WDR83: variants seen among roughly 807,000 people sequenced by gnomAD.
WDR83 encodes the protein WD repeat domain-containing protein 83.
A neutral mutation model predicts 37.7 loss-of-function variants in WDR83; 37 were observed. That is an observed-to-expected ratio of 0.98 (90% CI 0.76 to 1.29). The LOEUF is 1.29. Ranked by LOEUF, WDR83 falls within the 50% of genes most tolerant of loss-of-function variation. The pLI is 0.00. For missense variants in WDR83, 445 were observed against 414.4 expected (o/e 1.07, Z -0.64); for synonymous variants, 174 against 181.1 (o/e 0.96, Z 0.31).
At chr19:12,673,356 C>A in intron 10 of WDR83, 40 bp downstream of exon 10, 1 of 1,513,570 alleles carries the variant, frequency 6.6e-7, no homozygotes, top group African/African-American at 1.4e-5. Flanking sequence ...TAGATGCCTG[C>A]CCCATCTCAG....
In WDR83 at chr19:12,675,036, C is replaced by G. The variant is rs1355501486; in HGVS notation, c.799-487C>G. 3.3e-5 allele frequency among the ~76,000 whole-genome samples: 5 copies of G among 151,926 alleles called. No individual in the cohort carries two copies. The East Asian group carries it at 9.7e-4, about 29-fold the overall frequency. ...GGCTGAGGCAGGAGAATCGCTTGAA[C>G]TAGGGAGTCGGAGGTTGCAGTGAGC... On this transcript the variant is annotated intron_variant, in intron 10 of 10. Coordinates refer to ENST00000418543, the MANE Select transcript of WDR83 (RefSeq NM_001099737.3).
intron 10 of WDR83, among the ~76,000 whole-genome samples, chr19:12,674,414 G>T (rs1270107015): frequency 6.6e-6 from 1 of 152,166 alleles, no homozygotes; most frequent in Admixed American, 6.6e-5. Flanking sequence ...GCTTGGCCAG[G>T]GGAACTAAGG....
chr19:12,673,985 A>T (rs148326042), intron 10 of WDR83, among the ~76,000 whole-genome samples: 80 of 152,242 alleles, frequency 5.3e-4, no homozygotes, highest in African/African-American at 1.6e-3. Flanking sequence ...CAGGCCTGAG[A>T]CACCGTGCCC....
In WDR83 at chr19:12,670,044, G is replaced by A. The variant is rs1481758039; in HGVS notation, c.171G>A (p.Gly57=). ...KTLKLWNPLR[G]TLLRTYSGHG... ...TGAAGCTGTGGAACCCGCTTCGGGG[G>A]ACGCTGCTGCGGACGTACAGCGGCC... The change falls in exon 4 of 11, where the codon GGG becomes GGA. Residue 57 remains glycine, a synonymous_variant. Coordinates refer to ENST00000418543, the MANE Select transcript of WDR83 (RefSeq NM_001099737.3). 2 of 1,613,110 alleles carry A rather than the reference G, an allele frequency of 1.2e-6. No homozygotes were observed. Among genetic ancestry groups the A allele is most frequent in the Admixed American group, 1.7e-5 (1 of 59,992 alleles).
At chr19:12,668,718 G>GC in intron 2 of WDR83, 91 bp downstream of exon 2, 2 of 1,001,082 alleles carry the variant, frequency 2.0e-6, no homozygotes, top group Non-Finnish European at 3.1e-6. Flanking sequence ...GATTCCATCT[G>GC]ATGCAGCTGG....
intron 1 of WDR83, chr19:12,668,034 G>T (rs988337208): frequency 3.4e-6 from 1 of 292,384 alleles, no homozygotes; most frequent in South Asian, 3.5e-5. Context: ...TTCCCGCCAG[G>T]TAGGAGGAAC....
chr19:12,670,497 G>T, intron 5 of WDR83, 66 bp from the exon 6 acceptor site: 1 of 1,612,244 alleles, frequency 6.2e-7, no homozygotes. Context: ...AACCGACACT[G>T]GGAACCCTGC....
At chr19:12,668,771 G>A (rs2145303076) in intron 2 of WDR83, 144 bp downstream of exon 2, 2 of 686,638 alleles carry the variant, frequency 2.9e-6, no homozygotes, top group Non-Finnish European at 5.2e-6. Context: ...CCTGCTCATG[G>A]CATACTCTAG....
chr19:12,670,957 TGGAA>T, intron 7 of WDR83, 136 bp downstream of exon 7: 1 of 1,362,494 alleles, frequency 7.3e-7, no homozygotes, highest in Non-Finnish European at 9.9e-7. Context: ...GAGGCTGAAG[TGGAA>T]GGATCACTTG....
Position 12,668,621 on chromosome 19 carries a change from G to C in WDR83, c.-43G>C. On this transcript the variant is annotated 5_prime_UTR_variant, in exon 2 of 11. Coordinates refer to ENST00000418543, the MANE Select transcript of WDR83 (RefSeq NM_001099737.3). ...CGACCCAAGCACACCACTTCAGCTA[G>C]GGAAAGGTAAGTGGGTGGGCAGGTT... is the stretch of plus-strand genomic sequence containing the variant. 6.2e-7 allele frequency: 1 copy of C among 1,613,676 alleles called. No homozygotes were observed. The highest frequency in any genetic ancestry group is 8.5e-7 in the Non-Finnish European group (1 of 1,179,750).
At chr19:12,671,454 C>G (rs927908841) in intron 7 of WDR83, 3 of 152,694 alleles carry the variant, frequency 2.0e-5, no homozygotes, top group East Asian at 1.9e-4. Flanking sequence ...AGATCGAGAT[C>G]ATTCTGGCTA....
chr19:12,669,322 C>G, intron 2 of WDR83: 1 of 1,605,622 alleles, frequency 6.2e-7, no homozygotes. Context: ...ACCCACAACC[C>G]GAACCCGTGC....
At chr19:12,670,120 A>C (rs760121185) in intron 4 of WDR83, 23 bp downstream of exon 4, 11 of 1,607,416 alleles carry the variant, frequency 6.8e-6, no homozygotes, top group Non-Finnish European at 9.4e-6. Flanking sequence ...CCAGGCTGGG[A>C]TGGGAGCGCT....
Position 12,666,836 on chromosome 19 carries a change from G to T in WDR83, c.-313G>T. 1.2e-6 allele frequency: 1 copy of T among 838,996 alleles called. No individual in the cohort carries two copies. The highest frequency in any genetic ancestry group is 1.8e-6 in the Non-Finnish European group (1 of 553,690). 52.0% of individuals were successfully genotyped at this position (838,996 alleles called of 1,614,324 possible). On this transcript the variant is annotated 5_prime_UTR_variant, in exon 1 of 11. Coordinates refer to ENST00000418543, the MANE Select transcript of WDR83 (RefSeq NM_001099737.3). ...TCTGGAGGCTCACGGGAGAGAGGCT[G>T]TAGCCCTGGGCAATCCCGGGGGTCG...
Position 12,669,777 on chromosome 19 carries a change from G to A in WDR83, c.-14G>A, listed in dbSNP as rs1325789032. 6 of 1,574,188 alleles carry A rather than the reference G, an allele frequency of 3.8e-6. No individual in the cohort carries two copies. In the Admixed American group the frequency reaches 9.6e-5, roughly 25 times the overall value. On this transcript the variant is annotated 5_prime_UTR_variant, in exon 3 of 11. Coordinates refer to ENST00000418543, the MANE Select transcript of WDR83 (RefSeq NM_001099737.3). ...CAGACCGATTTAAGGCTGCAAGGAA[G>A]GAGTCCTGGGAGCATGGCTTTCCCT...
At chr19:12,672,551 T>C (rs1487550763) in intron 7 of WDR83, 2 of 400,334 alleles carry the variant, frequency 5.0e-6, no homozygotes, top group Non-Finnish European at 9.4e-6. Context: ...GAGGTTCCGG[T>C]GAGCCAAGAT....
chr19:12,669,633 A>G, intron 2 of WDR83, 122 bp from the exon 3 acceptor site: 2 of 948,506 alleles, frequency 2.1e-6, no homozygotes, highest in Non-Finnish European at 3.1e-6. Context: ...AATAGTTCCA[A>G]CCCGATCACC....
Position 12,675,747 on chromosome 19 carries a change from G to C in WDR83, c.*75G>C. 6.4e-7 allele frequency: 1 copy of C among 1,569,902 alleles called. No homozygotes were observed. The highest frequency in any genetic ancestry group is 1.9e-5 in the Admixed American group (1 of 53,286). ...GGACTTCAGATACCATCTTATTCTA[G>C]AGACGTAGCTGACCAAAAAGTAGGG... On this transcript the variant is annotated 3_prime_UTR_variant, in exon 11 of 11. Transcript: ENST00000418543.
intron 10 of WDR83, among the ~76,000 whole-genome samples, chr19:12,673,711 C>T (rs1002400255): frequency 2.6e-5 from 4 of 151,748 alleles, no homozygotes; most frequent in African/African-American, 7.3e-5. Context: ...CCACCACACC[C>T]GGCCCTTTTT....
Sources: allele counts gnomAD v4.1 joint callset (sites outside exome capture counted in the v4.1 genomes callset), GRCh38; gene constraint gnomAD v4.1.1; transcripts MANE v1.5; gene names NCBI Gene and HGNC (gene_info 2026-07-23, HGNC 2026-07-21).